KIAA1755: variants seen among roughly 807,000 people sequenced by gnomAD.
The protein encoded by KIAA1755 is uncharacterized protein KIAA1755.
A neutral mutation model predicts 91.7 loss-of-function variants in KIAA1755; 68 were observed. That is an observed-to-expected ratio of 0.74 (90% confidence interval 0.61 to 0.91). The LOEUF is 0.91. Among genes scored for constraint, KIAA1755 ranks in the 40% least tolerant of loss-of-function variants. The pLI, the probability that KIAA1755 is intolerant of heterozygous loss-of-function variation, is 0.00. For missense variants in KIAA1755, 1,535 were observed against 1,494.4 expected (o/e 1.03, Z -0.45); for synonymous variants, 610 against 604.6 (o/e 1.01, Z -0.13).
At chr20:38,223,670 C>G in intron 8 of KIAA1755, 34 bp from the exon 9 acceptor site, 1 of 1,539,668 alleles carries the variant, frequency 6.5e-7, no homozygotes, top group Non-Finnish European at 8.9e-7. Context: ...CAGGTGTCAG[C>G]CCAGGCCAAC....
Position 38,260,581 on chromosome 20 carries a change from G to T in KIAA1755, c.-81C>A. ...TGGGTCCGCGGGTCCGTCTGTCTGG[G>T]GCAGCCCTCGGTCCCGCCTAGCCCT... On this transcript the variant is annotated 5_prime_UTR_variant, in exon 1 of 14. Coordinates refer to ENST00000279024, the MANE Select transcript of KIAA1755 (RefSeq NM_001029864.2). 1 of 1,465,638 alleles carries T rather than the reference G, an allele frequency of 6.8e-7. No individual in the cohort carries two copies. The allele number at this position is 1,465,638 out of a possible 1,614,324, so 90.8% of individuals were successfully genotyped here.
At position 38,241,516 on chromosome 20, in the gene KIAA1755, T is replaced by C; in HGVS notation, c.615A>G (p.Pro205=). The C allele has an allele frequency of 1.2e-6, 2 of 1,614,246 alleles. No homozygotes were observed. Among genetic ancestry groups the C allele is most frequent in the Non-Finnish European group, 1.7e-6 (2 of 1,180,036 alleles). Residue 205 remains proline, a synonymous_variant, in exon 3 of 14, where the codon CCA becomes CCG. Transcript: ENST00000279024. ...GGCTGCTCAAATCCAGTGCCTCTAA[T>C]GGAAGGGGCCCCCAGGCTTGGCAGA... The part of the protein sequence containing the change: ...NALCQAWGPL[P]LEALDLSSPQ...
chr20:38,216,785 G>C, intron 13 of KIAA1755: 2 of 460,506 alleles, frequency 4.3e-6, no homozygotes, highest in South Asian at 1.5e-5. Context: ...GGTGTGTGAA[G>C]TGCTCACAGG....
intron 1 of KIAA1755, among the ~76,000 whole-genome samples, chr20:38,254,974 C>T (rs559985236): frequency 1.1e-4 from 17 of 152,042 alleles, no homozygotes; most frequent in South Asian, 6.2e-4. Flanking sequence ...GTCAGGAGTT[C>T]GAGACCAGCC....
intron 4 of KIAA1755, among the ~76,000 whole-genome samples, chr20:38,231,779 G>A (rs953620021): frequency 1.3e-5 from 2 of 152,228 alleles, no homozygotes; most frequent in Non-Finnish European, 2.9e-5. Flanking sequence ...TTAATACACA[G>A]CAAGAGCTCA....
At chr20:38,217,548 C>T in intron 12 of KIAA1755, 74 bp from the exon 13 acceptor site, 1 of 1,088,590 alleles carries the variant, frequency 9.2e-7, no homozygotes, top group Non-Finnish European at 1.3e-6. Context: ...TCAGCAACCT[C>T]CAGCTGCCTT....
chr20:38,223,516 A>G (rs1399433421), intron 9 of KIAA1755, 22 bp downstream of exon 9: 1 of 1,542,962 alleles, frequency 6.5e-7, no homozygotes, highest in South Asian at 1.2e-5. Context: ...TAGCTTCCCC[A>G]GTCACCATGC....
chr20:38,230,652 G>A (rs2075843554), intron 5 of KIAA1755, among the ~76,000 whole-genome samples: 1 of 152,184 alleles, frequency 6.6e-6, no homozygotes, highest in South Asian at 2.1e-4. Flanking sequence ...ACTTTGGGAG[G>A]CCGAGGTGGG....
chr20:38,227,278 G>C, intron 6 of KIAA1755, 38 bp from the exon 7 acceptor site: 1 of 1,534,314 alleles, frequency 6.5e-7, no homozygotes, highest in Non-Finnish European at 9.0e-7. Context: ...CTCTGCCCAA[G>C]GCTTCATGAA....
At chr20:38,223,492 T>C (rs2075698457) in intron 9 of KIAA1755, 46 bp downstream of exon 9, 2 of 1,383,522 alleles carry the variant, frequency 1.4e-6, no homozygotes, top group South Asian at 1.3e-5. Context: ...GTCCATGGGG[T>C]CTGGGGTGTG....
At chr20:38,248,714 T>A (rs868166559) in intron 1 of KIAA1755, among the ~76,000 whole-genome samples, 2 of 98,156 alleles carry the variant, frequency 2.0e-5, no homozygotes, top group African/African-American at 3.6e-5. Flanking sequence ...TATTATTATT[T>A]TTGAGACAGA....
Position 38,223,608 on chromosome 20 carries a change from T to G in KIAA1755, c.2198A>C (p.His733Pro), listed in dbSNP as rs1304210669. Residue 733 changes from histidine to proline, a missense_variant, in exon 9 of 14, where the codon CAC becomes CCC. Coordinates refer to ENST00000279024, the MANE Select transcript of KIAA1755 (RefSeq NM_001029864.2). Reference sequence around the variant, plus strand: ...AGCTTGTAGCAGGGAAGAGGCCTGGTGGAGGTCAGCAAGGAAAGGGTCCAG... The same window carrying G: ...AGCTTGTAGCAGGGAAGAGGCCTGGGGGAGGTCAGCAAGGAAAGGGTCCAG... ...QKLDPFLADL[H>P]QASSLLQASI... is the part of the protein sequence containing the mutation. 6.2e-7 allele frequency: 1 copy of G among 1,604,942 alleles called. No individual in the cohort carries two copies. Among genetic ancestry groups the G allele is most frequent in the Non-Finnish European group, 8.5e-7 (1 of 1,176,178 alleles).
intron 1 of KIAA1755, among the ~76,000 whole-genome samples, chr20:38,246,699 G>C (rs2076167340): frequency 6.6e-6 from 1 of 152,158 alleles, no homozygotes; most frequent in East Asian, 1.9e-4. Flanking sequence ...CACGGCTGCA[G>C]ACTGTACAGC....
At chr20:38,258,561 G>C (rs185723204) in intron 1 of KIAA1755, among the ~76,000 whole-genome samples, 324 of 152,332 alleles carry the variant, frequency 2.1e-3, no homozygotes, top group Non-Finnish European at 3.1e-3. Context: ...TGACATGCTA[G>C]AGTAAGAGTC....
intron 5 of KIAA1755, among the ~76,000 whole-genome samples, chr20:38,229,545 G>A (rs1415217268): frequency 3.9e-5 from 6 of 152,196 alleles, no homozygotes; most frequent in African/African-American, 1.4e-4. Context: ...TTAAAAGTCA[G>A]GGCCCGGTGT....
chr20:38,222,226 TG>T (rs1412474418), intron 10 of KIAA1755, among the ~76,000 whole-genome samples: 1 of 152,196 alleles, frequency 6.6e-6, no homozygotes, highest in African/African-American at 2.4e-5. Context: ...TCAAGATGGC[TG>T]GGGCTGAAGG....
intron 2 of KIAA1755, among the ~76,000 whole-genome samples, chr20:38,243,180 G>C (rs2076098242): frequency 6.6e-6 from 1 of 152,240 alleles, no homozygotes; most frequent in Admixed American, 6.5e-5. Context: ...ATTTGGATGT[G>C]TGTAGGGGAG....
intron 3 of KIAA1755, 24 bp downstream of exon 3, chr20:38,240,558 C>T: frequency 1.4e-6 from 2 of 1,477,806 alleles, no homozygotes; most frequent in Non-Finnish European, 9.0e-7. Flanking sequence ...CCTCCTTGTA[C>T]AGCTGAGCAT....
chr20:38,255,501 A>C (rs2076325688), intron 1 of KIAA1755, among the ~76,000 whole-genome samples: 1 of 152,166 alleles, frequency 6.6e-6, no homozygotes, highest in African/African-American at 2.4e-5. Flanking sequence ...GGCCAAGCCA[A>C]ACACATCTGT....
Sources: allele counts gnomAD v4.1 joint callset (sites outside exome capture counted in the v4.1 genomes callset), GRCh38; gene constraint gnomAD v4.1.1; transcripts MANE v1.5; gene names NCBI Gene and HGNC (gene_info 2026-07-23, HGNC 2026-07-21).